SEC16A: variants seen among roughly 807,000 people sequenced by gnomAD.
SEC16A encodes the protein protein transport protein Sec16A.
SEC16A carries 110 observed loss-of-function variants against 221.9 expected under a neutral mutation model. The ratio of observed to expected loss-of-function variants is 0.50; its 90% confidence interval spans 0.42 to 0.58. The LOEUF (loss-of-function observed/expected upper bound fraction) is 0.58, where lower values mean the gene tolerates loss of function less well. SEC16A is among the 20% of genes least tolerant of loss of function. The pLI is 0.00. For synonymous variants in SEC16A, 1,393 were observed against 1,257.7 expected, an observed-to-expected ratio of 1.11 and a Z score of -2.28; for missense variants, 3,165 against 3,097.8, an observed-to-expected ratio of 1.02 and a Z score of -0.52.
chr9:136,466,096 T>C lies in SEC16A; in HGVS notation c.4169A>G (p.Tyr1390Cys). The change falls in exon 8 of 32, where the codon TAC becomes TGC. Residue 1390 changes from tyrosine to cysteine, a missense_variant. By Grantham distance (194) the Tyr-to-Cys change is radical. Coordinates refer to ENST00000684901, the MANE Select transcript of SEC16A (RefSeq NM_014866.2). This position sits in a 1 kb window ranked among gnomAD's most constrained non-coding sequence, Gnocchi z 5.5. The part of the protein sequence containing the change: ...YRSHNVAAGS[Y>C]EAPLPPGSFH... ...GGAGCCTGGAGGAAGCGGGGCCTCG[T>C]AGGAACCGGCAGCCACATTGTGGCT... 1 of 1,607,994 alleles carries C rather than the reference T, an allele frequency of 6.2e-7. No individual in the cohort carries two copies. Among genetic ancestry groups the C allele is most frequent in the Non-Finnish European group, 8.5e-7 (1 of 1,176,150 alleles).
intron 12 of SEC16A, 125 bp from the exon 13 acceptor site, chr9:136,461,399 A>C: frequency 1.4e-6 from 1 of 693,410 alleles, no homozygotes; most frequent in South Asian, 1.6e-5. Context: ...TCAAAAACAC[A>C]CTTATTCACC....
intron 23 of SEC16A, among the ~76,000 whole-genome samples, chr9:136,449,403 C>A (rs553585725): frequency 6.6e-6 from 1 of 152,362 alleles, no homozygotes; most frequent in East Asian, 1.9e-4. Flanking sequence ...GCACCCACCA[C>A]CATGCATGGC....
chr9:136,459,774 G>A lies in SEC16A; in HGVS notation c.5174C>T (p.Thr1725Ile). Residue 1725 changes from threonine to isoleucine, a missense_variant, in exon 15 of 32, where the codon ACC becomes ATC. This residue lies in a region of SEC16A where 1,088 missense variants were observed against 1,089.6 expected (regional missense o/e 1.00). Coordinates refer to ENST00000684901, the MANE Select transcript of SEC16A (RefSeq NM_014866.2). The surrounding 1 kb of genome is among the most constrained non-coding windows in gnomAD (Gnocchi z 6.1). Reference protein sequence around the residue: ...NMDVESRTMATMGDTLASRGL... With the variant: ...NMDVESRTMAIMGDTLASRGL... Reference sequence around the variant, plus strand: ...TGACCTACCCAGAGTGTCGCCCATGGTAGCCATCGTCCTGGACTCGACGTC... The same window carrying A: ...TGACCTACCCAGAGTGTCGCCCATGATAGCCATCGTCCTGGACTCGACGTC... The A allele has an allele frequency of 1.9e-6, 3 of 1,610,858 alleles. No individual in the cohort carries two copies. Among genetic ancestry groups the A allele is most frequent in the Non-Finnish European group, 2.5e-6 (3 of 1,178,608 alleles).
At chr9:136,463,222 CA>C in intron 11 of SEC16A, 90 bp from the exon 12 acceptor site, 1 of 1,528,280 alleles carries the variant, frequency 6.5e-7, no homozygotes, top group Non-Finnish European at 8.8e-7. Context: ...CCACCCTGGA[CA>C]CAGCCAGACC....
intron 20 of SEC16A, among the ~76,000 whole-genome samples, chr9:136,454,541 G>A (rs1564474926): frequency 6.6e-6 from 1 of 152,198 alleles, no homozygotes; most frequent in Admixed American, 6.5e-5. Context: ...CTTTTCTAGG[G>A]GAGGGGCACT....
rs1401461737 is a variant in SEC16A, at chr9:136,466,740, C to A, written c.3929+217G>T. Among the ~76,000 whole-genome samples the A allele has an allele frequency of 6.6e-6, 1 of 152,184 alleles. No homozygotes were observed. Among genetic ancestry groups the A allele is most frequent in the Non-Finnish European group, 1.5e-5 (1 of 68,038 alleles). ...CCCAGGTGCTCCCAGAGGTGCTGAA[C>A]AGTCCTCTTGCTGAGGCCAGTTCTC... On this transcript the variant is annotated intron_variant, in intron 6 of 31. Coordinates refer to ENST00000684901, the MANE Select transcript of SEC16A (RefSeq NM_014866.2). The surrounding 1 kb of genome is among the most constrained non-coding windows in gnomAD (Gnocchi z 5.5).
Position 136,476,647 on chromosome 9 carries a change from C to T in SEC16A, c.969G>A (p.Val323=). ...CAGAGGCGGGCCGGTGCTCATTCTTCACTCCTGGATTCTGCCTGAGCTCTG... is the reference window on the plus strand; with the variant it reads ...CAGAGGCGGGCCGGTGCTCATTCTTTACTCCTGGATTCTGCCTGAGCTCTG... ...ASPELRQNPG[V]KNEHRPASAL... The change falls in exon 3 of 32, where the codon GTG becomes GTA. Residue 323 remains valine, a synonymous_variant. Transcript: ENST00000684901. The T allele has an allele frequency of 1.3e-6, 2 of 1,574,744 alleles. No individual in the cohort carries two copies. Among genetic ancestry groups the T allele is most frequent in the South Asian group, 2.4e-5 (2 of 84,734 alleles).
At chr9:136,448,217 C>A (rs1837269442) in intron 23 of SEC16A, 56 bp from the exon 24 acceptor site, 3 of 1,493,578 alleles carry the variant, frequency 2.0e-6, no homozygotes, top group Non-Finnish European at 9.3e-7. Context: ...ATGAAATAAG[C>A]CAGGGCAAAA....
Position 136,477,369 on chromosome 9 carries a change from G to C in SEC16A, c.247C>G (p.Pro83Ala). Residue 83 changes from proline to alanine, a missense_variant, in exon 3 of 32, where the codon CCC becomes GCC. Transcript: ENST00000684901. The part of the protein sequence containing the change: ...SSPPVLQGPA[P>A]AGFSQHPGLL... ...CCGGGGTGCTGAGAAAACCCTGCGGGGGCTGGGCCTTGCAAGACAGGTGGA... is the reference window on the plus strand; with the variant it reads ...CCGGGGTGCTGAGAAAACCCTGCGGCGGCTGGGCCTTGCAAGACAGGTGGA... 6.2e-7 allele frequency: 1 copy of C among 1,614,006 alleles called. No homozygotes were observed. Among genetic ancestry groups the C allele is most frequent in the Non-Finnish European group, 8.5e-7 (1 of 1,179,904 alleles).
chr9:136,476,079 G>C lies in SEC16A; in HGVS notation c.1537C>G (p.Leu513Val). The part of the protein sequence containing the change: ...VCHTGAPDAT[L>V]HTVHPDSVSS... ...ACGCTGTCAGGGTGCACTGTATGCA[G>C]TGTGGCATCAGGGGCTCCGGTGTGG... The change falls in exon 3 of 32, where the codon CTG (leucine) becomes GTG (valine). Residue 513 changes from leucine (L) to valine (V), a missense_variant. Physicochemically the swap from Leu to Val is conservative, Grantham distance 32. Around this residue, in one of 3 missense-constraint regions of SEC16A, gnomAD observed 2,030 missense variants for 1,923.1 expected, o/e 1.06. Coordinates refer to ENST00000684901, the MANE Select transcript of SEC16A (RefSeq NM_014866.2). The C allele has an allele frequency of 6.2e-7, 1 of 1,613,636 alleles. No homozygotes were observed. Among genetic ancestry groups the C allele is most frequent in the South Asian group, 1.1e-5 (1 of 91,084 alleles).
In SEC16A at chr9:136,475,456, G is replaced by T; in HGVS notation, c.2160C>A (p.Ser720Arg). ...TTTGCGCCCACAGAGTCGTTGCTGGGCTCTCACACTTCACGGGCCCCTGGG... is the reference window on the plus strand; with the variant it reads ...TTTGCGCCCACAGAGTCGTTGCTGGTCTCTCACACTTCACGGGCCCCTGGG... ...ARTQGPVKCESPATTLWAQSE... is the reference protein window; with the variant it reads ...ARTQGPVKCERPATTLWAQSE... The change falls in exon 3 of 32, where the codon AGC becomes AGA. Residue 720 changes from serine to arginine, a missense_variant. By Grantham distance (110) the Ser-to-Arg change is moderately radical. This residue lies in a region of SEC16A where 2,030 missense variants were observed against 1,923.1 expected (regional missense o/e 1.06). Coordinates refer to ENST00000684901, the MANE Select transcript of SEC16A (RefSeq NM_014866.2). The surrounding 1 kb of genome is among the most constrained non-coding windows in gnomAD (Gnocchi z 5.0). 6.2e-7 allele frequency: 1 copy of T among 1,609,476 alleles called. No individual in the cohort carries two copies. Among genetic ancestry groups the T allele is most frequent in the Non-Finnish European group, 8.5e-7 (1 of 1,177,150 alleles).
At chr9:136,450,312 A>G (rs1039761099) in intron 23 of SEC16A, among the ~76,000 whole-genome samples, 5 of 152,222 alleles carry the variant, frequency 3.3e-5, no homozygotes, top group African/African-American at 4.8e-5. Context: ...ACTTATATCC[A>G]TAATACAGAA....
Position 136,457,486 on chromosome 9 carries a change from C to T in SEC16A, c.5508G>A (p.Gln1836=). ...TCAACACCGGGGAATACAGGTGCGG[C>T]TGCGTCAGGATGCTCTTCGCGATGG... The part of the protein sequence containing the change: ...CEAIAKSILT[Q]PHLYSPVLIS... Residue 1836 remains glutamine, a synonymous_variant, in exon 18 of 32, where the codon CAG becomes CAA. Coordinates refer to ENST00000684901, the MANE Select transcript of SEC16A (RefSeq NM_014866.2). 6.2e-7 allele frequency: 1 copy of T among 1,608,556 alleles called. No individual in the cohort carries two copies. The highest frequency in any genetic ancestry group is 8.5e-7 in the Non-Finnish European group (1 of 1,177,472).
chr9:136,475,830 G>C lies in SEC16A; in HGVS notation c.1786C>G (p.Pro596Ala), dbSNP rs1841550752. The change falls in exon 3 of 32, where the codon CCC becomes GCC. Residue 596 changes from proline to alanine, a missense_variant. Around this residue, in one of 3 missense-constraint regions of SEC16A, gnomAD observed 2,030 missense variants for 1,923.1 expected, o/e 1.06. Coordinates refer to ENST00000684901, the MANE Select transcript of SEC16A (RefSeq NM_014866.2). The surrounding 1 kb of genome is among the most constrained non-coding windows in gnomAD (Gnocchi z 5.0). ...GSVSQPSTPS[P>A]PKPTGIFQTS... ...TGAAATATTCCTGTAGGTTTCGGGG[G>C]GCTCGGGGTTGAGGGCTGGGACACG... The C allele has an allele frequency of 6.3e-7, 1 of 1,583,086 alleles. No individual in the cohort carries two copies. Among genetic ancestry groups the C allele is most frequent in the Non-Finnish European group, 8.6e-7 (1 of 1,164,302 alleles).
chr9:136,447,574 C>T lies in SEC16A; in HGVS notation c.6554G>A (p.Arg2185Lys). The change falls in exon 26 of 32, where the codon AGA becomes AAA. Residue 2185 changes from arginine to lysine, a missense_variant. Around this residue, in one of 3 missense-constraint regions of SEC16A, gnomAD observed 1,088 missense variants for 1,089.6 expected, o/e 1.00. Transcript: ENST00000684901. The surrounding 1 kb of genome is among the most constrained non-coding windows in gnomAD (Gnocchi z 5.5). Reference protein sequence around the residue: ...PGAPVNMYSRRAAGTRARYVD... With the variant: ...PGAPVNMYSRKAAGTRARYVD... ...CACTCCAAGGCCACCCTTACCTGCT[C>T]TTCTAGAGTACATGTTCACGGGGGC... 6.2e-7 allele frequency: 1 copy of T among 1,612,252 alleles called. No individual in the cohort carries two copies.
chr9:136,458,247 G>C (rs1296199348), intron 17 of SEC16A, among the ~76,000 whole-genome samples: 1 of 151,730 alleles, frequency 6.6e-6, no homozygotes, highest in Admixed American at 6.6e-5. Flanking sequence ...GGGATTACAG[G>C]CATGAGCCGC....
At position 136,466,342 on chromosome 9, in the gene SEC16A, G is replaced by A. The variant is rs1456427582; in HGVS notation, c.4050C>T (p.Ser1350=). The A allele has an allele frequency of 3.8e-6, 6 of 1,577,224 alleles. No individual in the cohort carries two copies. In the African/African-American group the frequency reaches 4.1e-5, roughly 11 times the overall value. The change falls in exon 7 of 32, where the codon AGC becomes AGT. Residue 1350 remains serine, a synonymous_variant. Coordinates refer to ENST00000684901, the MANE Select transcript of SEC16A (RefSeq NM_014866.2). The surrounding 1 kb of genome is among the most constrained non-coding windows in gnomAD (Gnocchi z 5.5). ...GEEVDRRSVH[S]EHSARSLHSA... ...TGTGCAGGCTCCGTGCCGAGTGCTC[G>A]CTGTGGACGCTGCGCCGGTCCACCT... is the stretch of plus-strand genomic sequence containing the variant.
intron 1 of SEC16A, among the ~76,000 whole-genome samples, chr9:136,481,581 T>C (rs1589034739): frequency 6.6e-6 from 1 of 152,350 alleles, no homozygotes; most frequent in Non-Finnish European, 1.5e-5. Context: ...AGCAAAACTC[T>C]TTTTAGTACA....
Position 136,477,536 on chromosome 9 carries a change from G to A in SEC16A, c.80C>T (p.Ala27Val), listed in dbSNP as rs761144885. 3 of 1,613,648 alleles carry A rather than the reference G, an allele frequency of 1.9e-6. No homozygotes were observed. Among genetic ancestry groups the A allele is most frequent in the South Asian group, 2.2e-5 (2 of 91,070 alleles). ...AGCCCGTCTCCTGTAAGGGCTGCTA[G>A]CCCAGAACACGCTCCGAGGATTCCC... ...PAGNPRSVFW[A>V]SSPYRRRANN... Residue 27 changes from alanine (A) to valine (V), a missense_variant, in exon 3 of 32, where the codon GCT (alanine) becomes GTT (valine). Around this residue, in one of 3 missense-constraint regions of SEC16A, gnomAD observed 2,030 missense variants for 1,923.1 expected, o/e 1.06. Transcript: ENST00000684901.
Sources: gnomAD v4.1 joint callset for allele counts (sites outside exome capture counted in the v4.1 genomes callset) on GRCh38, gnomAD v4.1.1 for gene constraint, gnomAD v4.1.1 regional missense constraint, Gnocchi (gnomAD v3.1) non-coding constraint, MANE v1.5 for transcripts, NCBI Gene and HGNC (gene_info 2026-07-23, HGNC 2026-07-21) for gene names.